The following MBD5 variants were observed in gnomAD, a reference collection of about 807,000 sequenced individuals.
The protein encoded by MBD5 is methyl-CpG-binding domain protein 5.
Under a neutral mutation model 117.3 loss-of-function variants are expected in MBD5, and 13 were observed. The ratio of observed to expected loss-of-function variants is 0.11; its 90% CI spans 0.07 to 0.18. The LOEUF (loss-of-function observed/expected upper bound fraction) is 0.18. Ranked by LOEUF, MBD5 falls within the 10% of genes least tolerant of loss-of-function variation. MBD5 has a pLI of 1.00. For synonymous variants in MBD5, 727 were observed against 766.4 expected (o/e 0.95, Z 0.85); for missense variants, 1,879 against 2,093.8 (o/e 0.90, Z 2.00).
At chr2:148,126,969 TTTTC>T (rs1469335493) in intron 1 of MBD5, among the ~76,000 whole-genome samples, 20 of 145,062 alleles carry the variant, frequency 1.4e-4, no homozygotes, top group Non-Finnish European at 2.1e-4. Flanking sequence ...CTTCAGCTTT[TTTTC>T]TTTCTTTTTT....
intron 4 of MBD5, among the ~76,000 whole-genome samples, chr2:148,357,671 T>TA (rs1703421497): frequency 6.6e-6 from 1 of 152,172 alleles, no homozygotes; most frequent in Non-Finnish European, 1.5e-5. Context: ...TTTATTATTC[T>TA]ATGATGGTCC....
intron 3 of MBD5, among the ~76,000 whole-genome samples, chr2:148,262,269 C>A (rs867200359): frequency 6.6e-6 from 1 of 151,948 alleles, no homozygotes; most frequent in African/African-American, 2.4e-5. Flanking sequence ...TACATTTATT[C>A]CTGCACTGGG....
At position 148,469,105 on chromosome 2, in the gene MBD5, C is replaced by T; in HGVS notation, c.1162C>T (p.Gln388Ter). 1 of 1,614,076 alleles carries T rather than the reference C, an allele frequency of 6.2e-7. No homozygotes were observed. Residue 388 changes from glutamine to a stop codon, truncating the protein, a stop_gained, in exon 8 of 14, where the codon CAG (glutamine) becomes TAG (stop). Coordinates refer to ENST00000642680, the MANE Select transcript of MBD5 (RefSeq NM_001378120.1). LOFTEE classifies it high-confidence loss of function. ...CAGTTTCCATTCAAATGTCCACTCTCAGGTACCTATGATGAATGTAAGCAT... is the reference window on the plus strand; with the variant it reads ...CAGTTTCCATTCAAATGTCCACTCTTAGGTACCTATGATGAATGTAAGCAT... ...PTSFHSNVHS[Q>*]VPMMNVSMPP...
rs988589528 is a variant in MBD5, at chr2:148,458,567, A to G, written c.-192A>G. On this transcript the variant is annotated 5_prime_UTR_variant, in exon 5 of 14. Transcript: ENST00000642680. Reference sequence around the variant, plus strand: ...GTTATTTAATGTAGATTATAATGGGAAGCTGATTTTTTTCACAATGGCATA... The same window carrying G: ...GTTATTTAATGTAGATTATAATGGGGAGCTGATTTTTTTCACAATGGCATA... 1.8e-5 allele frequency: 11 copies of G among 622,394 alleles called. No homozygotes were observed. Among genetic ancestry groups the G allele is most frequent in the Non-Finnish European group, 2.9e-5 (10 of 346,144 alleles). The allele number at this position is 622,394 out of a possible 1,614,324, so 38.6% of individuals were successfully genotyped here.
intron 1 of MBD5, among the ~76,000 whole-genome samples, chr2:148,130,287 G>A (rs1030609647): frequency 2.2e-4 from 33 of 151,998 alleles, no homozygotes; most frequent in African/African-American, 8.0e-4. Flanking sequence ...TAGCAGATTA[G>A]AACTACTGTA....
chr2:148,101,384 C>A (rs1314385432), intron 1 of MBD5, among the ~76,000 whole-genome samples: 2 of 151,968 alleles, frequency 1.3e-5, no homozygotes, highest in Non-Finnish European at 2.9e-5. Flanking sequence ...ATTGCTTGAG[C>A]CCAGGAGTTT....
intron 1 of MBD5, among the ~76,000 whole-genome samples, chr2:148,042,460 CT>C (rs889892287): frequency 1.9e-3 from 281 of 144,264 alleles, no homozygotes; most frequent in Admixed American, 2.4e-3. Flanking sequence ...GCCAAAGAAC[CT>C]TTTTTTTTTT....
chr2:148,437,293 T>G (rs1422852004), intron 4 of MBD5, among the ~76,000 whole-genome samples: 1 of 152,186 alleles, frequency 6.6e-6, no homozygotes, highest in African/African-American at 2.4e-5. Context: ...TATGTTTTTA[T>G]TTTTAAGTTT....
At chr2:148,126,159 G>A (rs775884465) in intron 1 of MBD5, among the ~76,000 whole-genome samples, 10 of 152,008 alleles carry the variant, frequency 6.6e-5, no homozygotes, top group Non-Finnish European at 1.0e-4. Context: ...CCTTTGGGAG[G>A]CCGAGGCAGG....
At chr2:148,330,120 C>CACACACACACACACA (rs1553501700) in intron 3 of MBD5, among the ~76,000 whole-genome samples, 2 of 145,406 alleles carry the variant, frequency 1.4e-5, no homozygotes, top group Non-Finnish European at 3.0e-5. Flanking sequence ...CACACACACT[C>CACACACACACACACA]TACCTTAGGC....
intron 3 of MBD5, among the ~76,000 whole-genome samples, chr2:148,307,689 C>T (rs995119245): frequency 1.3e-5 from 2 of 151,982 alleles, no homozygotes; most frequent in African/African-American, 2.4e-5. Flanking sequence ...TTGTGCAGAA[C>T]GTACAGGTTT....
intron 3 of MBD5, among the ~76,000 whole-genome samples, chr2:148,252,724 A>AT (rs1251756700): frequency 6.6e-6 from 1 of 151,896 alleles, no homozygotes; most frequent in African/African-American, 2.4e-5. Flanking sequence ...TAATTTTTGT[A>AT]TTTTTTGTAG....
intron 1 of MBD5, among the ~76,000 whole-genome samples, chr2:148,169,429 A>G (rs1698204376): frequency 6.6e-6 from 1 of 152,176 alleles, no homozygotes; most frequent in East Asian, 1.9e-4. Flanking sequence ...TCTTGGAACT[A>G]TATTTGATAA....
At chr2:148,138,441 G>A (rs192114286) in intron 1 of MBD5, among the ~76,000 whole-genome samples, 21 of 152,268 alleles carry the variant, frequency 1.4e-4, no homozygotes, top group Admixed American at 8.5e-4. Flanking sequence ...GATTCATTTG[G>A]AATAAATCTT....
chr2:148,305,943 CCT>C (rs1273070508), intron 3 of MBD5, among the ~76,000 whole-genome samples: 1 of 152,098 alleles, frequency 6.6e-6, no homozygotes, highest in Non-Finnish European at 1.5e-5. Flanking sequence ...CAATCTCCCC[CCT>C]TTTTAATTTT....
At chr2:148,207,442 GA>G (rs202166303) in intron 2 of MBD5, among the ~76,000 whole-genome samples, 150 of 85,222 alleles carry the variant, frequency 1.8e-3, no homozygotes, top group African/African-American at 4.5e-3. Flanking sequence ...AAGTAAAAAA[GA>G]AAAAAAAAGG....
chr2:148,334,466 G>C (rs1033415352), intron 3 of MBD5, among the ~76,000 whole-genome samples: 1 of 151,830 alleles, frequency 6.6e-6, no homozygotes, highest in African/African-American at 2.4e-5. Flanking sequence ...CCAAGCAGTT[G>C]AGACTACATG....
At chr2:148,146,710 G>C (rs1697477566) in intron 1 of MBD5, among the ~76,000 whole-genome samples, 1 of 151,930 alleles carries the variant, frequency 6.6e-6, no homozygotes, top group African/African-American at 2.4e-5. Context: ...TGCTTCTTCT[G>C]GGACTCCCTT....
rs35925701 is a variant in MBD5 at position 148,060,132 on chromosome 2, C to CAAAAAAAAAAAAAA, written c.-925+38465_-925+38478dup. The stretch of plus-strand genomic sequence containing the variant: ...TGAAACCCTGTCTCTACAAAAAGTG[C>CAAAAAAAAAAAAAA]AAAAAAAAAAAAAAAAAAAAAAAAA... On this transcript the variant is annotated intron_variant, in intron 1 of 13. Coordinates refer to ENST00000642680, the MANE Select transcript of MBD5 (RefSeq NM_001378120.1). Among the ~76,000 whole-genome samples the CAAAAAAAAAAAAAA allele has an allele frequency of 3.4e-3, 48 of 14,046 alleles. 19 individuals are homozygous for CAAAAAAAAAAAAAA. The highest frequency in any genetic ancestry group is 0.016 in the South Asian group (2 of 122). 9.2% of individuals were successfully genotyped at this position (14,046 alleles called of 152,430 possible).
Sources: gnomAD v4.1 joint callset for allele counts (sites outside exome capture counted in the v4.1 genomes callset) on GRCh38, gnomAD v4.1.1 for gene constraint, MANE v1.5 for transcripts, NCBI Gene and HGNC (gene_info 2026-07-23, HGNC 2026-07-21) for gene names.